SUPT3H: variants seen among roughly 807,000 people sequenced by gnomAD.
The protein encoded by SUPT3H is transcription initiation protein SPT3 homolog.
A neutral mutation model predicts 44.3 loss-of-function variants in SUPT3H; 44 were observed. The observed-to-expected ratio is 0.99, with a 90% CI of 0.78 to 1.28. The LOEUF (loss-of-function observed/expected upper bound fraction) is 1.28. SUPT3H is among the 50% of genes most tolerant of loss of function. The probability of loss-of-function intolerance (pLI) is 0.00; values close to 1 mark genes in which losing one functional copy is unlikely to be tolerated. For synonymous variants in SUPT3H, 124 were observed against 125.6 expected, an observed-to-expected ratio of 0.99 and a Z score of 0.09; for missense variants, 380 against 387.1, an observed-to-expected ratio of 0.98 and a Z score of 0.15.
chr6:45,294,970 C>G lies in SUPT3H; in HGVS notation c.101+70231G>C, dbSNP rs1584762669. Reference sequence around the variant, plus strand: ...GCAATTCCCATGAAAATACCACCATCATTCGTCACTGAATTAGAGAAAAAC... The same window carrying G: ...GCAATTCCCATGAAAATACCACCATGATTCGTCACTGAATTAGAGAAAAAC... On this transcript the variant is annotated intron_variant, in intron 2 of 10. Transcript: ENST00000371459. Among the ~76,000 whole-genome samples the G allele has an allele frequency of 2.6e-5, 4 of 152,042 alleles. 1 individual carries two copies. In the South Asian group the frequency reaches 8.3e-4, roughly 32 times the overall value.
At chr6:44,897,892 A>T (rs531242895) in intron 10 of SUPT3H, among the ~76,000 whole-genome samples, 1 of 152,298 alleles carries the variant, frequency 6.6e-6, no homozygotes, top group South Asian at 2.1e-4. Context: ...CAAAGAGTTG[A>T]CATTTAATTT....
intron 6 of SUPT3H, among the ~76,000 whole-genome samples, chr6:45,002,187 T>G (rs563414905): frequency 3.9e-5 from 6 of 152,078 alleles, no homozygotes; most frequent in South Asian, 2.1e-4. Flanking sequence ...GTGTACAGAC[T>G]GCATAAGTAC....
chr6:45,138,957 T>C (rs1353084256), intron 2 of SUPT3H, among the ~76,000 whole-genome samples: 4 of 152,300 alleles, frequency 2.6e-5, no homozygotes, highest in East Asian at 1.9e-4. Flanking sequence ...TGTCAGAGAA[T>C]AGCATCAAAT....
In SUPT3H at chr6:44,829,872, G is replaced by T. The variant is rs745805167; in HGVS notation, c.913-15C>A. On this transcript the variant is annotated splice_polypyrimidine_tract_variant and intron_variant, in intron 10 of 10. Coordinates refer to ENST00000371459, the MANE Select transcript of SUPT3H (RefSeq NM_003599.4). Reference sequence around the variant, plus strand: ...CGGTAGGCATTCTGTCAAAGAAAAAGAAATCTGCAATGAATTATCACATGA... The same window carrying T: ...CGGTAGGCATTCTGTCAAAGAAAAATAAATCTGCAATGAATTATCACATGA... The T allele has an allele frequency of 3.1e-6, 5 of 1,612,630 alleles. No individual in the cohort carries two copies. The highest frequency in any genetic ancestry group is 1.1e-5 in the South Asian group (1 of 91,038).
chr6:44,923,257 T>C (rs1056034499), intron 10 of SUPT3H, among the ~76,000 whole-genome samples: 1 of 152,278 alleles, frequency 6.6e-6, no homozygotes, highest in Non-Finnish European at 1.5e-5. Flanking sequence ...GACTGTCATC[T>C]TTCATTGCTG....
chr6:45,302,727 T>C (rs372650814), intron 2 of SUPT3H, among the ~76,000 whole-genome samples: 5 of 152,146 alleles, frequency 3.3e-5, no homozygotes, highest in South Asian at 2.1e-4. Flanking sequence ...TTGGATCAAA[T>C]AGTAGTTCCA....
chr6:45,148,625 C>T (rs116223331), intron 2 of SUPT3H, among the ~76,000 whole-genome samples: 2,671 of 152,266 alleles, frequency 0.018, 52 homozygotes, highest in South Asian at 0.084. Context: ...AGTACTACAA[C>T]TTTTCTTCTG....
chr6:44,848,009 C>T (rs1772198038), intron 10 of SUPT3H, among the ~76,000 whole-genome samples: 1 of 126,664 alleles, frequency 7.9e-6, no homozygotes, highest in African/African-American at 3.1e-5. Context: ...CTCTGTTATC[C>T]AGGCTGGAGT....
At position 45,210,777 on chromosome 6, in the gene SUPT3H, CT is replaced by C. The variant is rs539789659; in HGVS notation, c.102-104772del. 3.9e-5 allele frequency among the ~76,000 whole-genome samples: 6 copies of C among 152,274 alleles called. No homozygotes were observed. In the South Asian group the frequency reaches 1.2e-3, roughly 32 times the overall value. The stretch of plus-strand genomic sequence containing the variant: ...AAACTATAGTATAGGGTAAATGTAA[CT>C]TTTATAAGCACCAGGCAATCAAAAA... On this transcript the variant is annotated intron_variant, in intron 2 of 10. Coordinates refer to ENST00000371459, the MANE Select transcript of SUPT3H (RefSeq NM_003599.4).
chr6:45,324,432 G>C (rs1786025914), intron 2 of SUPT3H, among the ~76,000 whole-genome samples: 1 of 151,912 alleles, frequency 6.6e-6, no homozygotes. Flanking sequence ...AATGTTAAGA[G>C]CTCCAAATCT....
intron 3 of SUPT3H, among the ~76,000 whole-genome samples, chr6:45,081,861 A>G (rs1442230903): frequency 6.6e-6 from 1 of 152,124 alleles, no homozygotes; most frequent in Non-Finnish European, 1.5e-5. Flanking sequence ...CCAATTTTTG[A>G]GCCTGGAAAA....
rs887010606 is a variant in SUPT3H, at chr6:44,811,859, CT to C, written c.*53-2359del. On this transcript the variant is annotated intron_variant and NMD_transcript_variant, in intron 11 of 11. Coordinates refer to the SUPT3H transcript ENST00000475057. ...TTGTTTCTCACATTGATGGGTTGGT[CT>C]TTTTTTTTTTTTTCTCTGATCCTCC... Among the ~76,000 whole-genome samples the C allele has an allele frequency of 7.2e-3, 1,042 of 145,626 alleles. 7 individuals are homozygous for C. Among genetic ancestry groups the C allele is most frequent in the African/African-American group, 0.01 (407 of 40,006 alleles).
chr6:44,836,009 A>G (rs570595553), intron 10 of SUPT3H, among the ~76,000 whole-genome samples: 1 of 152,310 alleles, frequency 6.6e-6, no homozygotes, highest in African/African-American at 2.4e-5. Flanking sequence ...CTGGAAGTTC[A>G]GGAGTTTCAT....
chr6:44,816,289 G>A (rs1766906166), intron 11 of SUPT3H, among the ~76,000 whole-genome samples: 2 of 152,100 alleles, frequency 1.3e-5, no homozygotes, highest in South Asian at 4.2e-4. Context: ...AAAAAGAGGA[G>A]TGTCACTACA....
intron 10 of SUPT3H, among the ~76,000 whole-genome samples, chr6:44,867,692 A>T (rs900457368): frequency 6.6e-6 from 1 of 152,044 alleles, no homozygotes; most frequent in African/African-American, 2.4e-5. Context: ...CCCTTGCAAA[A>T]ACCACAACCC....
chr6:45,001,748 A>C (rs933039384), intron 6 of SUPT3H, among the ~76,000 whole-genome samples: 1 of 152,084 alleles, frequency 6.6e-6, no homozygotes, highest in African/African-American at 2.4e-5. Flanking sequence ...AGGAAAGTTA[A>C]GTCATTGAAT....
chr6:45,066,002 A>C (rs1305086436), intron 3 of SUPT3H, among the ~76,000 whole-genome samples: 3 of 139,946 alleles, frequency 2.1e-5, no homozygotes, highest in Admixed American at 7.2e-5. Flanking sequence ...GCAGAGACAC[A>C]ACCAAAAAAG....
In SUPT3H at chr6:44,947,057, T is replaced by C. The variant is rs78916516; in HGVS notation, c.801+6253A>G. On this transcript the variant is annotated intron_variant, in intron 9 of 10. Coordinates refer to ENST00000371459, the MANE Select transcript of SUPT3H (RefSeq NM_003599.4). ...TTCCACCAGCAAAAAGATTATGACA[T>C]GCAAATGACTCAGATAATAATTAGC... 5.2e-3 allele frequency among the ~76,000 whole-genome samples: 790 copies of C among 152,264 alleles called. 5 individuals are homozygous for C. The highest frequency in any genetic ancestry group is 6.0e-3 in the Non-Finnish European group (409 of 68,022).
intron 6 of SUPT3H, among the ~76,000 whole-genome samples, chr6:44,963,406 C>T (rs1199090025): frequency 6.6e-6 from 1 of 152,112 alleles, no homozygotes; most frequent in Non-Finnish European, 1.5e-5. Context: ...AGGAGAATTG[C>T]TTGAACCTGG....
Sources: allele counts gnomAD v4.1 joint callset (sites outside exome capture counted in the v4.1 genomes callset), GRCh38; gene constraint gnomAD v4.1.1; transcripts MANE v1.5; gene names NCBI Gene and HGNC (gene_info 2026-07-23, HGNC 2026-07-21).